PUDP: variants seen among roughly 807,000 people sequenced by gnomAD.
PUDP encodes pseudouridine-5'-phosphatase.
In PUDP, 8 loss-of-function variants were observed where a neutral mutation model predicts 9.4. That is an observed-to-expected ratio of 0.85 (90% CI 0.50 to 1.53). The LOEUF is 1.53. Among genes scored for constraint, PUDP ranks in the 40% most tolerant of loss-of-function variants. The pLI, the probability that PUDP is intolerant of heterozygous loss-of-function variation, is 0.00. For missense variants in PUDP, 188 were observed against 189.7 expected (o/e 0.99, Z 0.05); for synonymous variants, 99 against 80.7 (o/e 1.23, Z -1.22).
chrX:6,791,845 C>T (rs1403897745), intron 3 of PUDP, among the ~76,000 whole-genome samples: 4 of 112,212 alleles, frequency 3.6e-5, no homozygotes, highest in Non-Finnish European at 1.9e-5. Flanking sequence ...TTTAGTGAAA[C>T]GCTAACAGTA....
intron 1 of PUDP, among the ~76,000 whole-genome samples, chrX:7,028,781 C>T (rs1385960678): frequency 9.9e-5 from 11 of 111,413 alleles, no homozygotes; most frequent in South Asian, 3.9e-4. Flanking sequence ...CATAACAAAG[C>T]GCCACGGACC....
At chrX:6,797,668 T>C (rs1365359058) in intron 3 of PUDP, among the ~76,000 whole-genome samples, 4 of 111,920 alleles carry the variant, frequency 3.6e-5, no homozygotes, top group Non-Finnish European at 5.6e-5. Context: ...AGCCTTCAAA[T>C]GACATCAGCT....
Position 6,816,748 on chromosome X carries a change from C to T in PUDP, c.*248-110282G>A, listed in dbSNP as rs372023045. ...AATATATATACACACATAGTATATACGATATAGTATATACAATATATATAC... is the reference window on the plus strand; with the variant it reads ...AATATATATACACACATAGTATATATGATATAGTATATACAATATATATAC... On this transcript the variant is annotated intron_variant and NMD_transcript_variant, in intron 3 of 3. Transcript: ENST00000655425. Among the ~76,000 whole-genome samples the T allele has an allele frequency of 9.7e-5, 9 of 92,636 alleles. No individual in the cohort carries two copies. In the East Asian group the frequency reaches 1.0e-3, roughly 10 times the overall value. The allele number at this position is 92,636 out of a possible 115,157, so 80.4% of individuals were successfully genotyped here.
At chrX:6,973,557 ACTGTG>A (rs1928909805) in intron 3 of PUDP, among the ~76,000 whole-genome samples, 1 of 112,115 alleles carries the variant, frequency 8.9e-6, no homozygotes, top group Admixed American at 9.5e-5. Context: ...ATTTGATTGC[ACTGTG>A]GTCTGAGAGA....
intron 1 of PUDP, among the ~76,000 whole-genome samples, chrX:6,992,474 T>G (rs1029577850): frequency 9.3e-6 from 1 of 107,700 alleles, no homozygotes; most frequent in Non-Finnish European, 1.9e-5. Context: ...GGGTTTCACC[T>G]TGTTAGCCAG....
At chrX:7,056,190 A>C (rs1395474652) in intron 3 of PUDP, among the ~76,000 whole-genome samples, 2 of 112,671 alleles carry the variant, frequency 1.8e-5, no homozygotes, top group Non-Finnish European at 3.8e-5. Flanking sequence ...AGCCTCTGCA[A>C]GTGGGGAGTG....
At chrX:6,852,579 CTCAA>C (rs1926842715) in intron 3 of PUDP, among the ~76,000 whole-genome samples, 1 of 96,187 alleles carries the variant, frequency 1.0e-5, no homozygotes, top group Admixed American at 1.3e-4. Flanking sequence ...CAAATTCATT[CTCAA>C]ACAATAATTG....
intron 3 of PUDP, among the ~76,000 whole-genome samples, chrX:6,920,128 C>T (rs1384273462): frequency 9.1e-6 from 1 of 109,446 alleles, no homozygotes; most frequent in Admixed American, 9.9e-5. Flanking sequence ...AAAGACTCCA[C>T]CCCCTTGCTA....
chrX:6,738,196 C>T (rs898104350), intron 3 of PUDP, among the ~76,000 whole-genome samples: 3 of 111,386 alleles, frequency 2.7e-5, no homozygotes, highest in African/African-American at 9.8e-5. Flanking sequence ...AGTCCATGTA[C>T]AAGAGTTCTT....
chrX:6,960,238 T>C (rs997159959), intron 3 of PUDP, among the ~76,000 whole-genome samples: 5 of 112,496 alleles, frequency 4.4e-5, no homozygotes, highest in African/African-American at 1.6e-4. Flanking sequence ...AGTTCAGGTG[T>C]TGGAAATCTA....
At chrX:6,732,318 T>C (rs1298182621) in intron 3 of PUDP, among the ~76,000 whole-genome samples, 1 of 111,044 alleles carries the variant, frequency 9.0e-6, no homozygotes. Context: ...AGGCCTCATT[T>C]GTCTGTAGGT....
intron 3 of PUDP, among the ~76,000 whole-genome samples, chrX:6,965,359 T>C (rs1177913691): frequency 1.8e-5 from 2 of 112,256 alleles, no homozygotes. Context: ...ATGGAAAAGA[T>C]ACGTTTCTCT....
intron 3 of PUDP, among the ~76,000 whole-genome samples, chrX:6,861,424 C>G (rs1926999657): frequency 8.9e-6 from 1 of 111,790 alleles, no homozygotes; most frequent in Admixed American, 9.5e-5. Context: ...CACCTTTCCC[C>G]TAATGCTTTC....
At chrX:6,723,271 T>TA (rs72151981), upstream of PUDP, among the ~76,000 whole-genome samples, 214 of 92,779 alleles carry the variant, frequency 2.3e-3, no homozygotes, top group Middle Eastern at 0.021. Context: ...CAAAAAACAA[T>TA]AAAAAAAAAA....
At chrX:7,057,654 C>A in intron 3 of PUDP, 1 of 1,136,968 alleles carries the variant, frequency 8.8e-7, no homozygotes, top group Non-Finnish European at 1.2e-6. Context: ...GTGGGACACC[C>A]AAGTAGAAGG....
At chrX:6,880,396 C>A (rs941224437) in intron 3 of PUDP, among the ~76,000 whole-genome samples, 1 of 111,620 alleles carries the variant, frequency 9.0e-6, no homozygotes, top group Non-Finnish European at 1.9e-5. Context: ...GAATAATGGT[C>A]TCCAATTTCA....
At chrX:7,037,688 C>T (rs1569143652) in intron 1 of PUDP, among the ~76,000 whole-genome samples, 1 of 112,216 alleles carries the variant, frequency 8.9e-6, no homozygotes, top group East Asian at 2.8e-4. Flanking sequence ...GTTTCTTATT[C>T]TCTTGTTTGC....
chrX:6,820,003 C>CTT (rs201080670), intron 3 of PUDP, among the ~76,000 whole-genome samples: 3 of 100,609 alleles, frequency 3.0e-5, no homozygotes, highest in South Asian at 4.6e-4. Flanking sequence ...ATAAATTTTT[C>CTT]TTTTTTTTTT....
chrX:6,927,686 A>G (rs1216357233), intron 3 of PUDP, among the ~76,000 whole-genome samples: 1 of 111,739 alleles, frequency 8.9e-6, no homozygotes, highest in African/African-American at 3.3e-5. Context: ...AGGCATACAG[A>G]TTAATTTAAC....
Sources: gnomAD v4.1 joint callset for allele counts (sites outside exome capture counted in the v4.1 genomes callset) on GRCh38, gnomAD v4.1.1 for gene constraint, MANE v1.5 for transcripts, NCBI Gene and HGNC (gene_info 2026-07-23, HGNC 2026-07-21) for gene names.